DNAH9: variants seen among roughly 807,000 people sequenced by gnomAD.
The protein encoded by DNAH9 is DNAH9 variant protein.
A neutral mutation model predicts 471.6 loss-of-function variants in DNAH9; 345 were observed. The observed-to-expected ratio is 0.73, with a 90% CI of 0.67 to 0.80. The LOEUF (loss-of-function observed/expected upper bound fraction) is 0.80. Ranked by LOEUF, DNAH9 falls within the 30% of genes least tolerant of loss-of-function variation. DNAH9 has a pLI of 0.00. For missense variants in DNAH9, 5,407 were observed against 5,609.2 expected (o/e 0.96, Z 1.15); for synonymous variants, 2,093 against 2,123.6 (o/e 0.99, Z 0.40).
intron 35 of DNAH9, among the ~76,000 whole-genome samples, chr17:11,758,648 C>G (rs1967511866): frequency 6.6e-6 from 1 of 152,114 alleles, no homozygotes; most frequent in African/African-American, 2.4e-5. Context: ...GGGAAGGGAG[C>G]ACTTCAGACT....
At chr17:11,803,313 C>A (rs1969538617) in intron 43 of DNAH9, among the ~76,000 whole-genome samples, 1 of 152,140 alleles carries the variant, frequency 6.6e-6, no homozygotes, top group African/African-American at 2.4e-5. Flanking sequence ...CAATCATTAA[C>A]AACAACAACG....
intron 28 of DNAH9, among the ~76,000 whole-genome samples, chr17:11,732,646 C>A (rs199754743): frequency 2.0e-5 from 3 of 151,378 alleles, no homozygotes; most frequent in East Asian, 3.9e-4. Context: ...GTGTCAATTC[C>A]AAAAAAAAAT....
chr17:11,953,732 G>C (rs147188329), intron 67 of DNAH9, among the ~76,000 whole-genome samples: 225 of 144,576 alleles, frequency 1.6e-3, no homozygotes, highest in African/African-American at 5.7e-3. Context: ...ACTCCAGCCT[G>C]GGCCACAGAG....
At chr17:11,737,750 G>C (rs1804795844) in intron 28 of DNAH9, among the ~76,000 whole-genome samples, 1 of 152,150 alleles carries the variant, frequency 6.6e-6, no homozygotes, top group Non-Finnish European at 1.5e-5. Flanking sequence ...TTAAGAGAAA[G>C]TCTGATTTTC....
chr17:11,831,683 T>G (rs1051437742), intron 48 of DNAH9, among the ~76,000 whole-genome samples: 2 of 152,128 alleles, frequency 1.3e-5, no homozygotes, highest in Non-Finnish European at 2.9e-5. Flanking sequence ...AGAAAGAAAG[T>G]TCTCCCCCAC....
chr17:11,600,289 C>G (rs2072358016), intron 1 of DNAH9, among the ~76,000 whole-genome samples: 1 of 152,272 alleles, frequency 6.6e-6, no homozygotes, highest in African/African-American at 2.4e-5. Context: ...ATCTGAGAAG[C>G]ATGCTTAACA....
Position 11,782,805 on chromosome 17 carries a change from G to A in DNAH9, c.7719-841G>A, listed in dbSNP as rs527466546. 9.5e-4 allele frequency among the ~76,000 whole-genome samples: 145 copies of A among 152,298 alleles called. 1 individual carries two copies. The highest frequency in any genetic ancestry group is 1.5e-3 in the Admixed American group (23 of 15,300). ...CCAGCTACTTAGGAGGCTGAGGCAG[G>A]AGAATGGCTTGAACCCAGAAGGTAG... is the stretch of plus-strand genomic sequence containing the variant. On this transcript the variant is annotated intron_variant, in intron 39 of 68. Transcript: ENST00000262442.
In DNAH9 at chr17:11,697,275, C is replaced by T. The variant is rs186325817; in HGVS notation, c.4873-2456C>T. Reference sequence around the variant, plus strand: ...CCTAATTCCTTCTATATCTGTGACTCTGTCATTTCACATGTGAGCAAGTGA... The same window carrying T: ...CCTAATTCCTTCTATATCTGTGACTTTGTCATTTCACATGTGAGCAAGTGA... On this transcript the variant is annotated intron_variant, in intron 22 of 68. Coordinates refer to ENST00000262442, the MANE Select transcript of DNAH9 (RefSeq NM_001372.4). Among the ~76,000 whole-genome samples, 51 of 152,244 alleles carry T rather than the reference C, an allele frequency of 3.3e-4. 1 individual carries two copies. Among genetic ancestry groups the T allele is most frequent in the Middle Eastern group, 3.4e-3 (1 of 294 alleles).
intron 61 of DNAH9, among the ~76,000 whole-genome samples, chr17:11,914,715 C>A (rs928590050): frequency 6.6e-6 from 1 of 152,054 alleles, no homozygotes; most frequent in Admixed American, 6.6e-5. Flanking sequence ...AAATTATATT[C>A]TTTCTTTGTT....
intron 43 of DNAH9, among the ~76,000 whole-genome samples, chr17:11,803,218 C>G (rs567495362): frequency 1.8e-4 from 27 of 152,200 alleles, no homozygotes; most frequent in African/African-American, 6.5e-4. Flanking sequence ...TCTTTTCCCC[C>G]GCTTTTGGCA....
intron 9 of DNAH9, among the ~76,000 whole-genome samples, chr17:11,637,142 A>C (rs907155482): frequency 6.6e-6 from 1 of 152,164 alleles, no homozygotes; most frequent in African/African-American, 2.4e-5. Context: ...ACGCCTGAGA[A>C]AAGTTTCTTA....
At chr17:11,707,656 C>T (rs1292004395) in intron 26 of DNAH9, among the ~76,000 whole-genome samples, 1 of 152,126 alleles carries the variant, frequency 6.6e-6, no homozygotes, top group East Asian at 1.9e-4. Context: ...TTAGAGGGCA[C>T]ATCACTGTCT....
At chr17:11,656,484 AAT>A (rs1283254369) in intron 14 of DNAH9, among the ~76,000 whole-genome samples, 2 of 152,152 alleles carry the variant, frequency 1.3e-5, no homozygotes, top group Non-Finnish European at 2.9e-5. Context: ...CTATGTCACT[AAT>A]TATCTTCTAT....
chr17:11,905,232 CAAA>C (rs34723706), intron 60 of DNAH9, among the ~76,000 whole-genome samples: 8 of 137,348 alleles, frequency 5.8e-5, no homozygotes, highest in Admixed American at 7.1e-5. Flanking sequence ...GAATCCATCT[CAAA>C]AAAAAAAAAA....
intron 22 of DNAH9, 88 bp from the exon 23 acceptor site, chr17:11,699,643 G>A: frequency 1.7e-6 from 2 of 1,201,326 alleles, no homozygotes; most frequent in Non-Finnish European, 2.4e-6. Flanking sequence ...CTTTCACAAT[G>A]ATTGCCACAT....
At chr17:11,686,734 A>G (rs1017926989) in intron 19 of DNAH9, among the ~76,000 whole-genome samples, 1 of 152,232 alleles carries the variant, frequency 6.6e-6, no homozygotes, top group African/African-American at 2.4e-5. Context: ...ACCAACATCG[A>G]TTTAAGAATG....
intron 19 of DNAH9, 96 bp from the exon 20 acceptor site, chr17:11,689,470 A>G: frequency 2.9e-6 from 3 of 1,042,830 alleles, no homozygotes; most frequent in Non-Finnish European, 4.2e-6. Flanking sequence ...CTAAAACACC[A>G]AGCATTTAAA....
chr17:11,873,918 T>G (rs1015250187), intron 52 of DNAH9, among the ~76,000 whole-genome samples: 13 of 151,958 alleles, frequency 8.6e-5, no homozygotes, highest in Non-Finnish European at 1.6e-4. Context: ...AAAAAATATA[T>G]ATGGGTCATC....
chr17:11,840,060 TG>T (rs1328057435), intron 49 of DNAH9, among the ~76,000 whole-genome samples: 2 of 152,226 alleles, frequency 1.3e-5, no homozygotes, highest in Non-Finnish European at 2.9e-5. Flanking sequence ...ATCCCTCTTT[TG>T]GGTATATACC....
Sources: allele counts gnomAD v4.1 joint callset (sites outside exome capture counted in the v4.1 genomes callset), GRCh38; gene constraint gnomAD v4.1.1; transcripts MANE v1.5; gene names NCBI Gene and HGNC (gene_info 2026-07-23, HGNC 2026-07-21).